PLXNA4: variants seen among roughly 807,000 people sequenced by gnomAD.
PLXNA4 encodes plexin-A4.
PLXNA4 carries 44 observed loss-of-function variants against 191.8 expected under a neutral mutation model. That is an observed-to-expected ratio of 0.23 (90% CI 0.18 to 0.29). The LOEUF (loss-of-function observed/expected upper bound fraction) is 0.29. PLXNA4 is among the 10% of genes least tolerant of loss of function. PLXNA4 has a pLI of 1.00. For synonymous variants in PLXNA4, 1,082 were observed against 1,009.5 expected (o/e 1.07, Z -1.36); for missense variants, 1,800 against 2,488.8 (o/e 0.72, Z 5.89).
chr7:132,508,253 G>A lies in PLXNA4; in HGVS notation c.441C>T (p.Phe147=), dbSNP rs999816013. 1.7e-5 allele frequency: 27 copies of A among 1,614,082 alleles called. 1 individual carries two copies. Among genetic ancestry groups the A allele is most frequent in the East Asian group, 2.2e-5 (1 of 44,890 alleles). ...TCTTATGATAAGGCTCCCCCAGCTT[G>A]AAGAGGTCCTCCAGCCTCAGCAGCT... ...ICKLLRLEDL[F]KLGEPYHKKE... Residue 147 remains phenylalanine, a synonymous_variant, in exon 2 of 32, where the codon TTC becomes TTT. Transcript: ENST00000321063. This position sits in a 1 kb window ranked among gnomAD's most constrained non-coding sequence, Gnocchi z 4.4.
chr7:132,163,635 C>T lies in PLXNA4; in HGVS notation c.4500+507G>A, dbSNP rs74619219. Among the ~76,000 whole-genome samples the T allele has an allele frequency of 5.3e-3, 802 of 152,260 alleles. 5 individuals are homozygous for T. The highest frequency in any genetic ancestry group is 0.019 in the African/African-American group (769 of 41,548). On this transcript the variant is annotated intron_variant, in intron 24 of 31. Transcript: ENST00000321063. ...GATGGAGGGGATCCCCACGTTCCTT[C>T]AACAACTGCCTTGCACCACTAGGCC...
chr7:132,330,807 G>A (rs1001163855), intron 3 of PLXNA4, among the ~76,000 whole-genome samples: 18 of 152,304 alleles, frequency 1.2e-4, no homozygotes, highest in Non-Finnish European at 2.4e-4. Flanking sequence ...GTGACCCTGT[G>A]CACCATGTAT....
intron 1 of PLXNA4, among the ~76,000 whole-genome samples, chr7:132,563,505 C>T (rs1299708593): frequency 8.6e-5 from 4 of 46,692 alleles, no homozygotes; most frequent in South Asian, 1.8e-3. Context: ...TCTCCTCCTC[C>T]TCCTCCTCCT....
intron 1 of PLXNA4, among the ~76,000 whole-genome samples, chr7:132,524,418 G>A (rs1799317634): frequency 6.6e-6 from 1 of 152,160 alleles, no homozygotes; most frequent in Non-Finnish European, 1.5e-5. Context: ...TGGAAAAGGG[G>A]AAACAGCATT....
intron 24 of PLXNA4, among the ~76,000 whole-genome samples, chr7:132,163,910 G>A (rs1365596183): frequency 6.6e-6 from 1 of 152,224 alleles, no homozygotes; most frequent in Non-Finnish European, 1.5e-5. Context: ...TGGCTGAAGT[G>A]TCACTCAAAT....
intron 4 of PLXNA4, among the ~76,000 whole-genome samples, chr7:132,274,003 G>T (rs970795463): frequency 3.8e-5 from 5 of 130,068 alleles, no homozygotes; most frequent in African/African-American, 1.1e-4. Context: ...CTATTCAGCA[G>T]TAAAAAAAAA....
chr7:132,285,659 G>A (rs1200458475), intron 4 of PLXNA4, among the ~76,000 whole-genome samples: 3 of 152,286 alleles, frequency 2.0e-5, no homozygotes, highest in East Asian at 3.9e-4. Context: ...ACTAGTCATC[G>A]TGAACAAGGG....
intron 9 of PLXNA4, among the ~76,000 whole-genome samples, chr7:132,219,373 G>A (rs537048949): frequency 6.6e-6 from 1 of 152,262 alleles, no homozygotes; most frequent in African/African-American, 2.4e-5. Flanking sequence ...TTATCTTGGG[G>A]GCTTTCCAGC....
At chr7:132,227,728 C>T in intron 6 of PLXNA4, 124 bp from the exon 7 acceptor site, 2 of 1,241,190 alleles carry the variant, frequency 1.6e-6, no homozygotes, top group South Asian at 1.4e-5. Context: ...AAGCAAGAGG[C>T]AATATTAACA....
intron 13 of PLXNA4, among the ~76,000 whole-genome samples, chr7:132,195,621 A>G (rs1022173770): frequency 2.0e-5 from 3 of 152,312 alleles, no homozygotes; most frequent in African/African-American, 7.2e-5. Context: ...GGTTTTTCCA[A>G]TATAATGGGG....
At chr7:132,398,557 A>T (rs1348194775) in intron 3 of PLXNA4, among the ~76,000 whole-genome samples, 2 of 151,974 alleles carry the variant, frequency 1.3e-5, no homozygotes, top group East Asian at 3.9e-4. Context: ...AGCCAAAACC[A>T]CCCTCCTGGG....
chr7:132,192,569 G>A (rs1295921399), intron 14 of PLXNA4, among the ~76,000 whole-genome samples: 1 of 152,032 alleles, frequency 6.6e-6, no homozygotes, highest in Non-Finnish European at 1.5e-5. Flanking sequence ...AAGGAGGAAA[G>A]AGGGAGACAG....
intron 3 of PLXNA4, among the ~76,000 whole-genome samples, chr7:132,468,256 T>C (rs889139437): frequency 6.6e-6 from 1 of 151,630 alleles, no homozygotes; most frequent in Admixed American, 6.6e-5. Flanking sequence ...CAAACACACA[T>C]ACACACACAG....
At chr7:132,601,732 T>C (rs1802824717) in intron 2 of PLXNA4, among the ~76,000 whole-genome samples, 1 of 152,204 alleles carries the variant, frequency 6.6e-6, no homozygotes, top group Admixed American at 6.5e-5. Context: ...TTTGGGGTCT[T>C]TTTCTGTGGT....
intron 1 of PLXNA4, among the ~76,000 whole-genome samples, chr7:132,563,673 C>T (rs1369363334): frequency 5.5e-5 from 7 of 126,738 alleles, no homozygotes; most frequent in African/African-American, 2.1e-4. Flanking sequence ...TCCTTCTCCT[C>T]CTCTTTCTCC....
At chr7:132,261,379 G>A (rs1035608771) in intron 4 of PLXNA4, among the ~76,000 whole-genome samples, 1 of 152,228 alleles carries the variant, frequency 6.6e-6, no homozygotes, top group East Asian at 1.9e-4. Context: ...TTCCTGCAGG[G>A]ACTGAACAAG....
At position 132,129,288 on chromosome 7, in the gene PLXNA4, T is replaced by C. The variant is rs766841952; in HGVS notation, c.*1191A>G. 1.3e-5 allele frequency: 2 copies of C among 152,226 alleles called. No homozygotes were observed. Among genetic ancestry groups the C allele is most frequent in the African/African-American group, 2.4e-5 (1 of 41,442 alleles). The allele number at this position is 152,226 out of a possible 1,614,324, so 9.4% of individuals were successfully genotyped here. On this transcript the variant is annotated 3_prime_UTR_variant, in exon 32 of 32. Transcript: ENST00000321063. ...GGAGAATGATGAGAGACAGCTGAGA[T>C]GTTGATGAAATCATTCCCAAAGAGG...
At chr7:132,557,438 T>C (rs1800846706) in intron 1 of PLXNA4, among the ~76,000 whole-genome samples, 1 of 151,752 alleles carries the variant, frequency 6.6e-6, no homozygotes, top group Non-Finnish European at 1.5e-5. Context: ...TCACAGAAGA[T>C]GGAGGAAATG....
At chr7:132,450,395 G>A (rs1162573044) in intron 3 of PLXNA4, among the ~76,000 whole-genome samples, 2 of 152,168 alleles carry the variant, frequency 1.3e-5, no homozygotes, top group African/African-American at 4.8e-5. Context: ...GAGGTAGGCG[G>A]GACACGTGAT....
Sources: allele counts gnomAD v4.1 joint callset (sites outside exome capture counted in the v4.1 genomes callset), GRCh38; gene constraint gnomAD v4.1.1; non-coding constraint Gnocchi (gnomAD v3.1); transcripts MANE v1.5; gene names NCBI Gene and HGNC (gene_info 2026-07-23, HGNC 2026-07-21).